Variants in LRRC74B observed in about 807,000 individuals in gnomAD.
LRRC74B encodes leucine-rich repeat-containing protein 74B.
A neutral mutation model predicts 16.6 loss-of-function variants in LRRC74B; 30 were observed. That is an observed-to-expected ratio of 1.80 (90% CI 1.35 to 2.45). The LOEUF is 2.45. LRRC74B is among the 30% of genes most tolerant of loss of function. LRRC74B has a pLI of 0.00. For synonymous variants in LRRC74B, 134 were observed against 86.0 expected (o/e 1.56, Z -3.09); for missense variants, 326 against 202.4 (o/e 1.61, Z -3.71).
exon 8 of LRRC74B, chr22:21,057,133 G>A (rs1398744050): frequency 1.4e-6 from 1 of 717,486 alleles, no homozygotes; most frequent in South Asian, 1.5e-5. Flanking sequence ...CGAAGTGAAG[G>A]CTGCTTTGGT....
intron 2 of LRRC74B, 57 bp downstream of exon 2, chr22:21,047,555 A>G: frequency 1.4e-6 from 1 of 702,750 alleles, no homozygotes; most frequent in Non-Finnish European, 2.6e-6. Context: ...GGGAGACAGC[A>G]GCCATGGGAG....
downstream of LRRC74B, chr22:21,061,768 C>T (rs1434413259): frequency 4.6e-5 from 7 of 152,220 alleles, no homozygotes; most frequent in South Asian, 6.2e-4. Context: ...CACAAGAACT[C>T]GTGCATGAAT....
chr22:21,047,554 C>G, intron 2 of LRRC74B, 56 bp downstream of exon 2: 1 of 703,368 alleles, frequency 1.4e-6, no homozygotes, highest in Non-Finnish European at 2.6e-6. Context: ...CGGGAGACAG[C>G]AGCCATGGGA....
intron 8 of LRRC74B, among the ~76,000 whole-genome samples, chr22:21,058,513 C>G (rs1431730720): frequency 2.0e-5 from 3 of 149,342 alleles, no homozygotes; most frequent in Non-Finnish European, 4.5e-5. Flanking sequence ...GATTCTGTCT[C>G]AAAAAAAAAG....
chr22:21,046,099 A>G (rs1032063847), exon 1 of LRRC74B: 7 of 717,176 alleles, frequency 9.8e-6, no homozygotes, highest in African/African-American at 1.7e-5. Flanking sequence ...CCCGAGGCCA[A>G]TTGGGACTCC....
intron 3 of LRRC74B, 99 bp downstream of exon 3, chr22:21,048,115 C>G (rs774687512): frequency 6.2e-5 from 43 of 691,836 alleles, no homozygotes; most frequent in Non-Finnish European, 9.6e-5. Flanking sequence ...CTGGGGCCTG[C>G]TGGTGTTGCT....
exon 3 of LRRC74B, chr22:21,047,910 G>A: frequency 1.4e-6 from 1 of 717,380 alleles, no homozygotes; most frequent in Non-Finnish European, 2.6e-6. Context: ...CTTCCTCATT[G>A]AGCTCCAATC....
exon 4 of LRRC74B, chr22:21,049,003 T>G: frequency 1.4e-6 from 1 of 716,014 alleles, no homozygotes; most frequent in Non-Finnish European, 2.6e-6. Context: ...AGGCCCTCTG[T>G]GCCGCCCTCA....
rs573387450 is a variant in LRRC74B at position 21,047,307 on chromosome 22, G to A, written c.140-49G>A. On this transcript the variant is annotated intron_variant, in intron 1 of 8. Transcript: ENST00000442047. The stretch of plus-strand genomic sequence containing the variant: ...TGACACAGGGCAGGGGAGGACACAG[G>A]TGGCTGTAGCTGTGCAGGGTCCACA... The A allele has an allele frequency of 2.2e-4, 152 of 702,026 alleles. No individual in the cohort carries two copies. In the African/African-American group the frequency reaches 2.3e-3, roughly 11 times the overall value. 43.5% of individuals were successfully genotyped at this position (702,026 alleles called of 1,614,324 possible).
chr22:21,053,451 A>G (rs1439850344), exon 6 of LRRC74B: 1 of 717,080 alleles, frequency 1.4e-6, no homozygotes, highest in Admixed American at 2.0e-5. Context: ...AAGGCCAACA[A>G]CGTGTTGGAG....
At chr22:21,055,226 C>T (rs1402240735) in intron 7 of LRRC74B, 50 bp downstream of exon 7, 1 of 696,828 alleles carries the variant, frequency 1.4e-6, no homozygotes, top group Admixed American at 2.0e-5. Flanking sequence ...TGCCCTGTAA[C>T]AGTCCACACA....
Position 21,051,332 on chromosome 22 carries a change from C to T in LRRC74B, c.623-917C>T, listed in dbSNP as rs567501025. The stretch of plus-strand genomic sequence containing the variant: ...AGGATGACCGCTGGAGGGTTCTGTT[C>T]GGCCATGTTGCTCCGCCTTCATCTC... On this transcript the variant is annotated intron_variant, in intron 4 of 8. Transcript: ENST00000442047. 3.8e-4 allele frequency among the ~76,000 whole-genome samples: 58 copies of T among 152,212 alleles called. 1 individual carries two copies. The highest frequency in any genetic ancestry group is 2.6e-3 in the Admixed American group (40 of 15,282).
At chr22:21,053,757 G>A (rs561294650) in intron 6 of LRRC74B, 2 of 258,348 alleles carry the variant, frequency 7.7e-6, no homozygotes, top group East Asian at 1.6e-4. Flanking sequence ...CCAAGTAGCT[G>A]GGACTACAGG....
intron 8 of LRRC74B, 38 bp from the exon 9 acceptor site, chr22:21,060,335 A>G (rs1378416507): frequency 1.6e-6 from 1 of 641,802 alleles, no homozygotes; most frequent in Non-Finnish European, 2.9e-6. Flanking sequence ...GTTCTCAGAT[A>G]GTAACAAAGT....
intron 8 of LRRC74B, among the ~76,000 whole-genome samples, chr22:21,058,627 A>G (rs1336904219): frequency 6.6e-6 from 1 of 152,148 alleles, no homozygotes; most frequent in Non-Finnish European, 1.5e-5. Context: ...GTGTCTGTGT[A>G]GTTTCAATTC....
At chr22:21,052,157 C>T (rs1480030053) in intron 4 of LRRC74B, 92 bp from the exon 5 acceptor site, 1 of 696,956 alleles carries the variant, frequency 1.4e-6, no homozygotes, top group African/African-American at 1.8e-5. Flanking sequence ...ACCCTCCTGC[C>T]CAGCAGAGGC....
intron 6 of LRRC74B, among the ~76,000 whole-genome samples, 178 bp downstream of exon 6, chr22:21,053,653 T>C (rs1447060600): frequency 1.3e-5 from 2 of 152,226 alleles, no homozygotes; most frequent in Non-Finnish European, 2.9e-5. Flanking sequence ...AAACAGCATC[T>C]TGCTTTATTG....
intron 8 of LRRC74B, among the ~76,000 whole-genome samples, chr22:21,059,137 C>G (rs187617286): frequency 1.3e-5 from 2 of 152,272 alleles, no homozygotes; most frequent in East Asian, 1.9e-4. Context: ...CCTGTAATCC[C>G]AGAACTTTGG....
downstream of LRRC74B, chr22:21,060,713 C>CA (rs1930770751): frequency 2.0e-6 from 1 of 503,758 alleles, no homozygotes; most frequent in Non-Finnish European, 3.5e-6. Flanking sequence ...CTGCACTCAT[C>CA]TGGGCCTTCA....
Sources: allele counts gnomAD v4.1 joint callset (sites outside exome capture counted in the v4.1 genomes callset), GRCh38; gene constraint gnomAD v4.1.1; transcripts MANE v1.5; gene names NCBI Gene and HGNC (gene_info 2026-07-23, HGNC 2026-07-21).